NECAB1: variants seen among roughly 807,000 people sequenced by gnomAD.
The protein encoded by NECAB1 is N-terminal EF-hand calcium-binding protein 1.
NECAB1 carries 29 observed loss-of-function variants against 57.5 expected under a neutral mutation model. The ratio of observed to expected loss-of-function variants is 0.50; its 90% confidence interval spans 0.38 to 0.69. The LOEUF is 0.69. Ranked by LOEUF, NECAB1 falls within the 30% of genes least tolerant of loss-of-function variation. NECAB1 has a pLI of 0.00. For synonymous variants in NECAB1, 142 were observed against 147.7 expected, an observed-to-expected ratio of 0.96 and a Z score of 0.28; for missense variants, 372 against 413.8, an observed-to-expected ratio of 0.90 and a Z score of 0.88.
intron 3 of NECAB1, among the ~76,000 whole-genome samples, chr8:90,837,732 T>G (rs1279033897): frequency 6.6e-6 from 1 of 152,238 alleles, no homozygotes; most frequent in African/African-American, 2.4e-5. Flanking sequence ...TCTCTTCCAC[T>G]GGCTTCTCTC....
chr8:90,914,229 T>C (rs1809897328), intron 5 of NECAB1, among the ~76,000 whole-genome samples: 1 of 152,124 alleles, frequency 6.6e-6, no homozygotes, highest in Non-Finnish European at 1.5e-5. Context: ...GATAGACAAA[T>C]GAACAACAGA....
intron 3 of NECAB1, among the ~76,000 whole-genome samples, chr8:90,862,904 T>C (rs1000362982): frequency 2.0e-5 from 3 of 150,948 alleles, no homozygotes; most frequent in Non-Finnish European, 3.0e-5. Flanking sequence ...CCAAGTGTTT[T>C]GTTCCCACAC....
At chr8:90,860,765 G>C (rs540806003) in intron 3 of NECAB1, among the ~76,000 whole-genome samples, 1 of 152,282 alleles carries the variant, frequency 6.6e-6, no homozygotes, top group South Asian at 2.1e-4. Context: ...TTGCAAAGAA[G>C]ATAGAACACA....
chr8:90,795,961 TC>T (rs112000234), intron 1 of NECAB1, among the ~76,000 whole-genome samples: 4 of 152,154 alleles, frequency 2.6e-5, no homozygotes, highest in African/African-American at 9.7e-5. Context: ...ACCCTGCACA[TC>T]CTGTACATGT....
At chr8:90,880,468 T>C (rs1042590967) in intron 4 of NECAB1, among the ~76,000 whole-genome samples, 3 of 151,894 alleles carry the variant, frequency 2.0e-5, no homozygotes, top group African/African-American at 4.8e-5. Context: ...AAATCCACTA[T>C]ATTATTTATT....
At chr8:90,930,439 A>T (rs1039314824) in intron 8 of NECAB1, among the ~76,000 whole-genome samples, 14 of 152,212 alleles carry the variant, frequency 9.2e-5, no homozygotes, top group Non-Finnish European at 2.9e-5. Context: ...TTTTTGATGT[A>T]TGAATTTCAA....
intron 2 of NECAB1, among the ~76,000 whole-genome samples, chr8:90,822,237 T>C (rs903794991): frequency 3.3e-5 from 5 of 151,962 alleles, no homozygotes; most frequent in African/African-American, 7.2e-5. Flanking sequence ...GAAGTTTGAA[T>C]AAAATGTTTC....
Position 90,872,195 on chromosome 8 carries a change from A to G in NECAB1, c.259+42A>G, listed in dbSNP as rs367696101. 105 of 1,440,890 alleles carry G rather than the reference A, an allele frequency of 7.3e-5. No homozygotes were observed. The African/African-American group carries it at 1.5e-3, about 20-fold the overall frequency. 89.3% of individuals were successfully genotyped at this position (1,440,890 alleles called of 1,614,324 possible). A position where few individuals can be genotyped will look rare whatever the true frequency, so the allele number is the denominator to read the frequency against. On this transcript the variant is annotated intron_variant, in intron 4 of 12. Coordinates refer to ENST00000417640, the MANE Select transcript of NECAB1 (RefSeq NM_022351.5). ...GATCAGTCAAACCTATTACTTGCTT[A>G]AGAAGGAAAAAGAGTATTGTCTGAT...
intron 1 of NECAB1, among the ~76,000 whole-genome samples, chr8:90,798,252 C>G (rs1285416217): frequency 6.6e-6 from 1 of 152,202 alleles, no homozygotes; most frequent in Non-Finnish European, 1.5e-5. Flanking sequence ...TATATTTTAT[C>G]TTAATGGGAT....
At chr8:90,906,944 G>C (rs1322691675) in intron 5 of NECAB1, among the ~76,000 whole-genome samples, 1 of 105,838 alleles carries the variant, frequency 9.4e-6, no homozygotes, top group African/African-American at 4.8e-5. Context: ...GGAGTGCAGT[G>C]GTGCAAACAT....
Position 90,939,724 on chromosome 8 carries a change from T to C in NECAB1, c.748-1062T>C, listed in dbSNP as rs909731521. The stretch of plus-strand genomic sequence containing the variant: ...TTATTAATACTAAACCCATGTGCTT[T>C]GGTTAGTCCAACAAAAGTAGGAATA... On this transcript the variant is annotated intron_variant, in intron 9 of 12. Transcript: ENST00000417640. Among the ~76,000 whole-genome samples the C allele has an allele frequency of 4.6e-5, 7 of 152,316 alleles. No homozygotes were observed. The East Asian group carries it at 1.3e-3, about 29-fold the overall frequency.
At chr8:90,807,378 G>T (rs1811866224) in intron 2 of NECAB1, among the ~76,000 whole-genome samples, 1 of 152,186 alleles carries the variant, frequency 6.6e-6, no homozygotes, top group African/African-American at 2.4e-5. Flanking sequence ...CTATTAACAT[G>T]TAAAAATATG....
chr8:90,950,375 C>T (rs1302612378), intron 11 of NECAB1, among the ~76,000 whole-genome samples: 3 of 151,816 alleles, frequency 2.0e-5, no homozygotes, highest in Non-Finnish European at 2.9e-5. Context: ...AAATTCAAGA[C>T]GTTGTCAAAA....
At chr8:90,898,277 C>G (rs1809411621) in intron 5 of NECAB1, among the ~76,000 whole-genome samples, 1 of 152,146 alleles carries the variant, frequency 6.6e-6, no homozygotes, top group African/African-American at 2.4e-5. Context: ...GTCTCACCTC[C>G]CCTCTTCCAT....
At chr8:90,829,120 GT>G (rs1261848785) in intron 3 of NECAB1, among the ~76,000 whole-genome samples, 2 of 151,818 alleles carry the variant, frequency 1.3e-5, no homozygotes, top group East Asian at 3.9e-4. Flanking sequence ...TTAAACTCAC[GT>G]TTTTCTCAAC....
intron 10 of NECAB1, among the ~76,000 whole-genome samples, chr8:90,942,909 C>A (rs544277411): frequency 6.6e-6 from 1 of 152,038 alleles, no homozygotes; most frequent in Non-Finnish European, 1.5e-5. Flanking sequence ...CAAACAGTAC[C>A]TATATATACA....
chr8:90,943,908 T>C (rs1327491648), intron 10 of NECAB1, among the ~76,000 whole-genome samples: 3 of 152,078 alleles, frequency 2.0e-5, no homozygotes, highest in Non-Finnish European at 2.9e-5. Flanking sequence ...CATGCCACCA[T>C]ATCTGGCTAC....
chr8:90,929,172 T>C (rs1365862866), intron 8 of NECAB1, among the ~76,000 whole-genome samples: 1 of 152,184 alleles, frequency 6.6e-6, no homozygotes, highest in Non-Finnish European at 1.5e-5. Flanking sequence ...AGTAAGTATT[T>C]GAATGACTGA....
At chr8:90,807,909 T>A (rs1811881009) in intron 2 of NECAB1, among the ~76,000 whole-genome samples, 1 of 152,194 alleles carries the variant, frequency 6.6e-6, no homozygotes, top group African/African-American at 2.4e-5. Flanking sequence ...AAGAAATGTC[T>A]CCTCCACCAC....
Sources: gnomAD v4.1 joint callset for allele counts (sites outside exome capture counted in the v4.1 genomes callset) on GRCh38, gnomAD v4.1.1 for gene constraint, MANE v1.5 for transcripts, NCBI Gene and HGNC (gene_info 2026-07-23, HGNC 2026-07-21) for gene names.